RAB3C: variants seen among roughly 807,000 people sequenced by gnomAD.
The protein encoded by RAB3C is RAB3C, member RAS oncogene family.
Under a neutral mutation model 26.4 loss-of-function variants are expected in RAB3C, and 17 were observed. That is an observed-to-expected ratio of 0.64 (90% CI 0.44 to 0.97). The LOEUF (loss-of-function observed/expected upper bound fraction) is 0.97. RAB3C is among the 50% of genes least tolerant of loss of function. The pLI, the probability that RAB3C is intolerant of heterozygous loss-of-function variation, is 0.00. For missense variants in RAB3C, 242 were observed against 281.9 expected (o/e 0.86, Z 1.01); for synonymous variants, 91 against 95.9 (o/e 0.95, Z 0.30).
intron 2 of RAB3C, among the ~76,000 whole-genome samples, chr5:58,643,464 T>C (rs1442755566): frequency 2.6e-5 from 4 of 152,210 alleles, no homozygotes; most frequent in Non-Finnish European, 4.4e-5. Flanking sequence ...TATAACTTTT[T>C]TTTTCTTTCT....
In RAB3C at chr5:58,612,487, GGTGT is replaced by G. The variant is rs372157686; in HGVS notation, c.25-5125_25-5122del. Among the ~76,000 whole-genome samples the G allele has an allele frequency of 2.7e-3, 306 of 112,916 alleles. 2 individuals carry two copies. Among genetic ancestry groups the G allele is most frequent in the African/African-American group, 7.8e-3 (196 of 25,168 alleles). 74.1% of individuals were successfully genotyped at this position (112,916 alleles called of 152,430 possible). A position where few individuals can be genotyped will look rare whatever the true frequency, so the allele number is the denominator to read the frequency against. ...GGTTAGCTGGTTAGCTGTGTTCCTA[GGTGT>G]GTGTGTGTGTGTGTGTGTGTGTGTG... On this transcript the variant is annotated intron_variant, in intron 1 of 4. Transcript: ENST00000282878.
intron 3 of RAB3C, among the ~76,000 whole-genome samples, chr5:58,735,005 G>T (rs1741104116): frequency 6.6e-6 from 1 of 152,132 alleles, no homozygotes; most frequent in African/African-American, 2.4e-5. Context: ...AATATATACA[G>T]TTGATTCATT....
intron 2 of RAB3C, among the ~76,000 whole-genome samples, chr5:58,694,138 A>G (rs1748639888): frequency 6.6e-6 from 1 of 152,012 alleles, no homozygotes; most frequent in Non-Finnish European, 1.5e-5. Context: ...CCTGTGTCCA[A>G]GTGATCTCAT....
intron 2 of RAB3C, among the ~76,000 whole-genome samples, chr5:58,675,748 C>G (rs1224027172): frequency 6.6e-6 from 1 of 150,384 alleles, no homozygotes; most frequent in African/African-American, 2.4e-5. Context: ...GTTAAGATTT[C>G]TATTAAAAAT....
intron 3 of RAB3C, among the ~76,000 whole-genome samples, chr5:58,798,318 C>A (rs1287351356): frequency 6.6e-6 from 1 of 152,134 alleles, no homozygotes; most frequent in Non-Finnish European, 1.5e-5. Flanking sequence ...AAAAAAGATA[C>A]TTTTACAATA....
At chr5:58,624,025 C>T (rs1746997523) in intron 2 of RAB3C, among the ~76,000 whole-genome samples, 1 of 152,200 alleles carries the variant, frequency 6.6e-6, no homozygotes, top group Non-Finnish European at 1.5e-5. Context: ...ACAAACCAGG[C>T]ACTCACAAAT....
rs138496772 is a variant in RAB3C at position 58,835,690 on chromosome 5, C to T, written c.496+10528C>T. Reference sequence around the variant, plus strand: ...AAAAATTAATCCAGGTCCATGTAACCGAAATCTGTATAAACTGCCAGCTTC... The same window carrying T: ...AAAAATTAATCCAGGTCCATGTAACTGAAATCTGTATAAACTGCCAGCTTC... On this transcript the variant is annotated intron_variant, in intron 4 of 4. Coordinates refer to ENST00000282878, the MANE Select transcript of RAB3C (RefSeq NM_138453.4). Among the ~76,000 whole-genome samples, 35 of 152,184 alleles carry T rather than the reference C, an allele frequency of 2.3e-4. 1 individual carries two copies. The East Asian group carries it at 5.4e-3, about 23-fold the overall frequency.
chr5:58,646,054 G>A (rs572645126), intron 2 of RAB3C, among the ~76,000 whole-genome samples: 2 of 152,288 alleles, frequency 1.3e-5, no homozygotes, highest in Admixed American at 6.5e-5. Flanking sequence ...TTGACCCTTG[G>A]TTAAAAGTTT....
intron 2 of RAB3C, among the ~76,000 whole-genome samples, chr5:58,621,408 C>T (rs893136706): frequency 6.6e-6 from 1 of 152,122 alleles, no homozygotes; most frequent in Non-Finnish European, 1.5e-5. Context: ...GCCTAAAATC[C>T]AGGTCTCCTG....
At chr5:58,756,597 A>G (rs1286706194) in intron 3 of RAB3C, among the ~76,000 whole-genome samples, 2 of 138,256 alleles carry the variant, frequency 1.4e-5, no homozygotes, top group African/African-American at 2.8e-5. Flanking sequence ...CTCATTGTTC[A>G]ACTCCCACTT....
intron 2 of RAB3C, among the ~76,000 whole-genome samples, chr5:58,624,898 C>A (rs540768728): frequency 1.6e-4 from 25 of 151,884 alleles, no homozygotes; most frequent in East Asian, 5.8e-4. Context: ...ACAAAAAAAA[C>A]CCCCAATCTG....
Position 58,764,476 on chromosome 5 carries a change from G to A in RAB3C, c.371+38356G>A, listed in dbSNP as rs568222081. 5.9e-5 allele frequency among the ~76,000 whole-genome samples: 9 copies of A among 152,260 alleles called. No individual in the cohort carries two copies. The South Asian group carries it at 1.0e-3, about 18-fold the overall frequency. On this transcript the variant is annotated intron_variant, in intron 3 of 4. Transcript: ENST00000282878. Reference sequence around the variant, plus strand: ...TGAGGACTTTCTTTCTTCAGAATGAGTGGTTCTGACTCACTGAGAGACACT... The same window carrying A: ...TGAGGACTTTCTTTCTTCAGAATGAATGGTTCTGACTCACTGAGAGACACT...
intron 3 of RAB3C, among the ~76,000 whole-genome samples, chr5:58,763,059 G>C (rs1391539821): frequency 6.6e-6 from 1 of 152,120 alleles, no homozygotes; most frequent in Admixed American, 6.6e-5. Flanking sequence ...TTCTACAAGA[G>C]GGAAAAAGTA....
chr5:58,760,163 A>G (rs1741767829), intron 3 of RAB3C, among the ~76,000 whole-genome samples: 1 of 152,188 alleles, frequency 6.6e-6, no homozygotes, highest in African/African-American at 2.4e-5. Flanking sequence ...GAATGGCAAC[A>G]TAATGCATAG....
At chr5:58,785,527 T>G (rs925957375) in intron 3 of RAB3C, among the ~76,000 whole-genome samples, 9 of 152,220 alleles carry the variant, frequency 5.9e-5, no homozygotes. Flanking sequence ...CCTAAGGATC[T>G]TGTTCAGTGA....
At chr5:58,584,380 C>T (rs1745968985) in intron 1 of RAB3C, among the ~76,000 whole-genome samples, 1 of 152,158 alleles carries the variant, frequency 6.6e-6, no homozygotes, top group Non-Finnish European at 1.5e-5. Context: ...GGGAAGTCCT[C>T]AAATTACCTA....
chr5:58,847,447 G>A (rs79017585), intron 4 of RAB3C, among the ~76,000 whole-genome samples: 9,188 of 152,258 alleles, frequency 0.06, 381 homozygotes, highest in East Asian at 0.13. Context: ...ACGAATGGGA[G>A]ATTAAAGATT....
chr5:58,825,142 A>G lies in RAB3C; in HGVS notation c.476A>G (p.Gln159Arg). 1 of 1,611,100 alleles carries G rather than the reference A, an allele frequency of 6.2e-7. No individual in the cohort carries two copies. The highest frequency in any genetic ancestry group is 8.5e-7 in the Non-Finnish European group (1 of 1,178,664). Residue 159 changes from glutamine (Q) to arginine (R), a missense_variant, in exon 4 of 5, where the codon CAA (glutamine) becomes CGA (arginine). Coordinates refer to ENST00000282878, the MANE Select transcript of RAB3C (RefSeq NM_138453.4). ...DERVISTERG[Q>R]HLGEQLGFEF... ...CGGGTCATCTCAACTGAGCGAGGTC[A>G]ACATTTAGGAGAACAGCTTGGTAAG...
intron 2 of RAB3C, 25 bp from the exon 3 acceptor site, chr5:58,725,977 T>C (rs910667059): frequency 5.2e-6 from 7 of 1,334,774 alleles, no homozygotes; most frequent in Non-Finnish European, 7.3e-6. Context: ...TTCTGAGAGA[T>C]TATCATTTTT....
Sources: allele counts gnomAD v4.1 joint callset (sites outside exome capture counted in the v4.1 genomes callset), GRCh38; gene constraint gnomAD v4.1.1; transcripts MANE v1.5; gene names NCBI Gene and HGNC (gene_info 2026-07-23, HGNC 2026-07-21).